CYP4B1: variants seen among roughly 807,000 people sequenced by gnomAD.
CYP4B1 encodes cytochrome P450 4B1.
CYP4B1 carries 45 observed loss-of-function variants against 54.0 expected under a neutral mutation model. That is an observed-to-expected ratio of 0.83 (90% confidence interval 0.66 to 1.07). CYP4B1 has a LOEUF of 1.07. CYP4B1 is among the 50% of genes least tolerant of loss of function. The probability of loss-of-function intolerance (pLI) is 0.00; values close to 1 mark genes in which losing one functional copy is unlikely to be tolerated. For missense variants in CYP4B1, 656 were observed against 655.4 expected (o/e 1.00, Z -0.01); for synonymous variants, 248 against 247.5 (o/e 1.00, Z -0.02).
At chr1:46,811,988 G>A (rs1348083110) in intron 3 of CYP4B1, among the ~76,000 whole-genome samples, 1 of 152,222 alleles carries the variant, frequency 6.6e-6, no homozygotes, top group East Asian at 1.9e-4. Flanking sequence ...TTAGGAAAAT[G>A]AAGAGGTGGT....
rs867588099 is a variant in CYP4B1, at chr1:46,801,644, C to A, written c.180+2383C>A. On this transcript the variant is annotated intron_variant, in intron 1 of 11. Coordinates refer to ENST00000371923, the MANE Select transcript of CYP4B1 (RefSeq NM_001099772.2). ...ACTCCTGCAGTCCTCAAGGGCTTGGCACCTCTGTTCTTGCCTGGATTCATA... is the reference window on the plus strand; with the variant it reads ...ACTCCTGCAGTCCTCAAGGGCTTGGAACCTCTGTTCTTGCCTGGATTCATA... 7.9e-5 allele frequency among the ~76,000 whole-genome samples: 12 copies of A among 152,294 alleles called. No homozygotes were observed. The Middle Eastern group carries it at 0.014, about 173-fold the overall frequency.
chr1:46,802,340 C>T (rs535747509), intron 1 of CYP4B1, among the ~76,000 whole-genome samples: 14 of 152,142 alleles, frequency 9.2e-5, no homozygotes, highest in Non-Finnish European at 2.1e-4. Context: ...GGCTCATTTT[C>T]ATTCAGTAAA....
Position 46,811,030 on chromosome 1 carries a change from G to A in CYP4B1, c.322+81G>A, listed in dbSNP as rs1173466164. On this transcript the variant is annotated intron_variant, in intron 2 of 11. Coordinates refer to ENST00000371923, the MANE Select transcript of CYP4B1 (RefSeq NM_001099772.2). The stretch of plus-strand genomic sequence containing the variant: ...GCTCAGGGCATGATATGGGGAGGAA[G>A]CCTGGGCCTGTGTACTAAGTCTGCG... 1.0e-5 allele frequency: 16 copies of A among 1,601,716 alleles called. No homozygotes were observed. The East Asian group carries it at 2.2e-4, about 22-fold the overall frequency.
chr1:46,811,498 T>C (rs963400592), intron 3 of CYP4B1, among the ~76,000 whole-genome samples: 2 of 152,154 alleles, frequency 1.3e-5, no homozygotes, highest in African/African-American at 4.8e-5. Context: ...AAATAGGTAG[T>C]GCTGGCCAGG....
At chr1:46,808,172 C>G (rs982677524) in intron 1 of CYP4B1, among the ~76,000 whole-genome samples, 7 of 152,132 alleles carry the variant, frequency 4.6e-5, no homozygotes, top group African/African-American at 1.4e-4. Flanking sequence ...TTTTAACAAA[C>G]AGCTCTCAAA....
At chr1:46,809,493 A>G (rs1679010084) in intron 1 of CYP4B1, among the ~76,000 whole-genome samples, 1 of 152,266 alleles carries the variant, frequency 6.6e-6, no homozygotes, top group Non-Finnish European at 1.5e-5. Flanking sequence ...CTCAGGCCTC[A>G]ACAGGAATTT....
At chr1:46,812,125 G>C in intron 3 of CYP4B1, 1 of 471,102 alleles carries the variant, frequency 2.1e-6, no homozygotes. Flanking sequence ...GCCAGTCTCA[G>C]CAGCTGAGAG....
At chr1:46,812,653 C>G in intron 4 of CYP4B1, 30 bp downstream of exon 4, 1 of 1,604,958 alleles carries the variant, frequency 6.2e-7, no homozygotes, top group Non-Finnish European at 8.5e-7. Flanking sequence ...GTACTGGAGG[C>G]TGTTGCCTGC....
rs1362425745 is a variant in CYP4B1, at chr1:46,799,119, T to C, written c.38T>C (p.Leu13Ser). 6.2e-7 allele frequency: 1 copy of C among 1,614,084 alleles called. No individual in the cohort carries two copies. Among genetic ancestry groups the C allele is most frequent in the East Asian group, 2.2e-5 (1 of 44,862 alleles). ...TTCCTCTCCCTGAGCTTCTCCTCCT[T>C]GGGCCTGTGGGCTTCTGGGCTGATC... ...PSFLSLSFSS[L>S]GLWASGLILV... Residue 13 changes from leucine to serine, a missense_variant, in exon 1 of 12, where the codon TTG becomes TCG. Transcript: ENST00000371923.
chr1:46,800,215 C>CTTTCTT (rs59067536), intron 1 of CYP4B1, among the ~76,000 whole-genome samples: 1 of 28,842 alleles, frequency 3.5e-5, no homozygotes, highest in African/African-American at 9.3e-5. Context: ...TTCTTTCTTT[C>CTTTCTT]TCTTTCTCTC....
chr1:46,807,233 A>G (rs1678896747), intron 1 of CYP4B1, among the ~76,000 whole-genome samples: 1 of 152,120 alleles, frequency 6.6e-6, no homozygotes. Flanking sequence ...ACAGGTTGTG[A>G]ATGTGGTCAG....
intron 8 of CYP4B1, among the ~76,000 whole-genome samples, chr1:46,816,565 G>T (rs1042214217): frequency 8.2e-6 from 1 of 121,312 alleles, no homozygotes. Flanking sequence ...GAGCTTCCCG[G>T]TTGCCAAAGG....
chr1:46,801,264 G>A (rs1368254300), intron 1 of CYP4B1, among the ~76,000 whole-genome samples: 4 of 152,272 alleles, frequency 2.6e-5, no homozygotes, highest in Non-Finnish European at 5.9e-5. Flanking sequence ...GAGGTCTGAC[G>A]CTAAAAGGGT....
At chr1:46,800,233 C>CTTTCTTTCTT (rs1678578606) in intron 1 of CYP4B1, among the ~76,000 whole-genome samples, 3 of 49,494 alleles carry the variant, frequency 6.1e-5, no homozygotes, top group African/African-American at 2.1e-4. Flanking sequence ...CTCTTTCTTT[C>CTTTCTTTCTT]TTTCTTTCCT....
chr1:46,812,747 C>A, intron 4 of CYP4B1, 124 bp downstream of exon 4: 1 of 1,097,330 alleles, frequency 9.1e-7, no homozygotes, highest in Non-Finnish European at 1.3e-6. Flanking sequence ...AGCCCCAAGG[C>A]CTGTTCTGCC....
intron 8 of CYP4B1, 118 bp downstream of exon 8, chr1:46,815,382 A>T: frequency 8.1e-6 from 7 of 863,352 alleles, no homozygotes; most frequent in Non-Finnish European, 1.0e-5. Context: ...TGTTACCCCC[A>T]GTGTCATACC....
chr1:46,810,583 G>A (rs1679057062), intron 1 of CYP4B1, among the ~76,000 whole-genome samples: 1 of 152,212 alleles, frequency 6.6e-6, no homozygotes, highest in African/African-American at 2.4e-5. Context: ...TGGGGATGTT[G>A]AGCTAACCCC....
At chr1:46,817,002 C>T in intron 8 of CYP4B1, 46 bp from the exon 9 acceptor site, 2 of 1,604,918 alleles carry the variant, frequency 1.2e-6, no homozygotes, top group East Asian at 2.2e-5. Flanking sequence ...CTCGCCAAAT[C>T]CTGTTGCTTC....
At chr1:46,815,435 A>T (rs879813088) in intron 8 of CYP4B1, 171 bp downstream of exon 8, 181 of 540,860 alleles carry the variant, frequency 3.3e-4, no homozygotes, top group Non-Finnish European at 5.1e-4. Flanking sequence ...GGCTGGGCAC[A>T]GATGCACCCC....
Sources: allele counts gnomAD v4.1 joint callset (sites outside exome capture counted in the v4.1 genomes callset), GRCh38; gene constraint gnomAD v4.1.1; transcripts MANE v1.5; gene names NCBI Gene and HGNC (gene_info 2026-07-23, HGNC 2026-07-21).